Variants in KCNIP1 observed in about 807,000 individuals in gnomAD.
KCNIP1 encodes potassium voltage-gated channel interacting protein 1, also known as A-type potassium channel modulatory protein KCNIP1.
KCNIP1 carries 18 observed loss-of-function variants against 33.0 expected under a neutral mutation model. That is an observed-to-expected ratio of 0.55 (90% confidence interval 0.38 to 0.81). The LOEUF (loss-of-function observed/expected upper bound fraction) is 0.81. Ranked by LOEUF, KCNIP1 falls within the 30% of genes least tolerant of loss-of-function variation. KCNIP1 has a pLI of 0.00. For synonymous variants in KCNIP1, 93 were observed against 98.3 expected, an observed-to-expected ratio of 0.95 and a Z score of 0.32; for missense variants, 238 against 271.6, an observed-to-expected ratio of 0.88 and a Z score of 0.87.
intron 3 of KCNIP1, among the ~76,000 whole-genome samples, 169 bp downstream of exon 3, chr5:170,720,559 A>G (rs777976175): frequency 5.9e-5 from 9 of 152,342 alleles, no homozygotes; most frequent in South Asian, 4.1e-4. Flanking sequence ...AAGCTTTAGC[A>G]GGAAAGAACT....
chr5:170,464,082 T>C (rs1756560484), intron 1 of KCNIP1, among the ~76,000 whole-genome samples: 1 of 152,108 alleles, frequency 6.6e-6, no homozygotes, highest in Non-Finnish European at 1.5e-5. Context: ...TATGAATAAA[T>C]TTAACAGAAG....
In KCNIP1 at chr5:170,735,837, G is replaced by A. The variant is rs533411692; in HGVS notation, c.*31G>A. ...GACACTCAGCCATTCAGCTCTCAGA[G>A]ACATTGTACTAAACAACCACCTTAA... On this transcript the variant is annotated 3_prime_UTR_variant, in exon 8 of 8. Coordinates refer to ENST00000328939, the MANE Select transcript of KCNIP1 (RefSeq NM_014592.4). 9.1e-5 allele frequency: 146 copies of A among 1,599,214 alleles called. 1 individual carries two copies. The Middle Eastern group carries it at 9.9e-4, about 11-fold the overall frequency.
chr5:170,447,014 T>C lies in KCNIP1; in HGVS notation c.88+93050T>C, dbSNP rs529829906. 8.5e-5 allele frequency among the ~76,000 whole-genome samples: 13 copies of C among 152,336 alleles called. No homozygotes were observed. The South Asian group carries it at 2.7e-3, about 32-fold the overall frequency. ...TTTCATTCTTCAGATATCTCTCCCA[T>C]TTGATGTTTCACCCCCTTGAAGCTC... On this transcript the variant is annotated intron_variant, in intron 1 of 7. Coordinates refer to the KCNIP1 transcript ENST00000377360.
At chr5:170,697,437 G>T (rs1232175995) in intron 1 of KCNIP1, among the ~76,000 whole-genome samples, 2 of 152,184 alleles carry the variant, frequency 1.3e-5, no homozygotes, top group Non-Finnish European at 2.9e-5. Context: ...TTCCATGAAT[G>T]ACTCTTTAAG....
intron 1 of KCNIP1, among the ~76,000 whole-genome samples, chr5:170,594,880 C>T (rs940964650): frequency 6.6e-6 from 1 of 152,194 alleles, no homozygotes; most frequent in African/African-American, 2.4e-5. Flanking sequence ...GAAAGTAGGG[C>T]CTTCCACGGT....
At chr5:170,581,400 C>T (rs1474381549) in intron 1 of KCNIP1, among the ~76,000 whole-genome samples, 1 of 152,266 alleles carries the variant, frequency 6.6e-6, no homozygotes, top group African/African-American at 2.4e-5. Context: ...GCAGTCTTCT[C>T]ATCCAGCAGT....
chr5:170,418,693 C>T (rs1421482692), intron 1 of KCNIP1, among the ~76,000 whole-genome samples: 37 of 152,228 alleles, frequency 2.4e-4, no homozygotes, highest in Admixed American at 2.4e-3. Context: ...ACCACTAACA[C>T]CCTTCCCTCC....
At chr5:170,483,113 G>C (rs562764819) in intron 1 of KCNIP1, 3 of 453,784 alleles carry the variant, frequency 6.6e-6, no homozygotes, top group Admixed American at 2.4e-5. Context: ...TGGGCAGTAC[G>C]TGTGTGCACC....
At chr5:170,506,466 G>A (rs1192529065) in intron 1 of KCNIP1, among the ~76,000 whole-genome samples, 1 of 152,158 alleles carries the variant, frequency 6.6e-6, no homozygotes, top group Non-Finnish European at 1.5e-5. Context: ...AGGGAGCTCC[G>A]TGCATAGGGC....
intron 1 of KCNIP1, among the ~76,000 whole-genome samples, chr5:170,632,217 C>G (rs1760075757): frequency 6.6e-6 from 1 of 152,152 alleles, no homozygotes; most frequent in African/African-American, 2.4e-5. Context: ...AAATGAATAC[C>G]CAGGCGAGCG....
rs571243535 is a variant in KCNIP1 at position 170,620,700 on chromosome 5, T to TA, written c.62-98052dup. On this transcript the variant is annotated intron_variant, in intron 1 of 7. Coordinates refer to ENST00000328939, the MANE Select transcript of KCNIP1 (RefSeq NM_014592.4). ...AAAACAAAAAGCATCTTGACTAATT[T>TA]AAAAAATCTTCTTTGGGTATTCAAC... is the stretch of plus-strand genomic sequence containing the variant. 7.0e-4 allele frequency among the ~76,000 whole-genome samples: 106 copies of TA among 152,320 alleles called. 1 individual carries two copies. The East Asian group carries it at 0.016, about 23-fold the overall frequency.
intron 1 of KCNIP1, among the ~76,000 whole-genome samples, chr5:170,636,343 G>A (rs1581427774): frequency 6.6e-6 from 1 of 152,132 alleles, no homozygotes; most frequent in Non-Finnish European, 1.5e-5. Flanking sequence ...GGCACACAGG[G>A]ACAGTGGAGG....
chr5:170,671,151 G>A (rs1200936163), intron 1 of KCNIP1, among the ~76,000 whole-genome samples: 2 of 152,010 alleles, frequency 1.3e-5, no homozygotes, highest in Non-Finnish European at 2.9e-5. Flanking sequence ...ACACATACAC[G>A]CGCAAAATGT....
At chr5:170,417,816 C>T (rs1432821985) in intron 1 of KCNIP1, among the ~76,000 whole-genome samples, 1 of 152,228 alleles carries the variant, frequency 6.6e-6, no homozygotes, top group African/African-American at 2.4e-5. Context: ...TTTGCTCTCT[C>T]TTCTTTTCCT....
intron 1 of KCNIP1, among the ~76,000 whole-genome samples, chr5:170,655,051 A>T (rs1761204344): frequency 6.6e-6 from 1 of 152,220 alleles, no homozygotes; most frequent in Non-Finnish European, 1.5e-5. Flanking sequence ...ATATATTACA[A>T]AATAATGACT....
intron 1 of KCNIP1, among the ~76,000 whole-genome samples, chr5:170,429,564 A>T (rs12516919): frequency 1.3e-5 from 2 of 151,896 alleles, no homozygotes; most frequent in Non-Finnish European, 2.9e-5. Context: ...ATCCGTCCCC[A>T]CAATGACGTA....
At chr5:170,464,770 C>T (rs1316514463) in intron 1 of KCNIP1, among the ~76,000 whole-genome samples, 1 of 152,176 alleles carries the variant, frequency 6.6e-6, no homozygotes, top group Non-Finnish European at 1.5e-5. Flanking sequence ...TGTGAACAGA[C>T]AGCCCAAGAC....
At chr5:170,607,926 G>T (rs747015354) in intron 1 of KCNIP1, among the ~76,000 whole-genome samples, 1 of 152,182 alleles carries the variant, frequency 6.6e-6, no homozygotes, top group African/African-American at 2.4e-5. Flanking sequence ...CAATATTCTT[G>T]GAGAATGAAT....
intron 1 of KCNIP1, among the ~76,000 whole-genome samples, chr5:170,714,549 A>T (rs895433910): frequency 9.9e-5 from 15 of 152,188 alleles, no homozygotes; most frequent in Non-Finnish European, 1.8e-4. Context: ...AACACAACAT[A>T]CACAATTGTG....
Sources: allele counts gnomAD v4.1 joint callset (sites outside exome capture counted in the v4.1 genomes callset), GRCh38; gene constraint gnomAD v4.1.1; transcripts MANE v1.5; gene names NCBI Gene and HGNC (gene_info 2026-07-23, HGNC 2026-07-21).